Variants in BLTP3B observed in about 807,000 individuals in gnomAD.
BLTP3B encodes the protein bridge-like lipid transfer protein family member 3B.
At chr12:100,123,824 A>G in the BLTP3B span, among the ~76,000 whole-genome samples, 1 of 152,062 alleles carries the variant, frequency 6.6e-6, no homozygotes, top group African/African-American at 2.4e-5. Context: ...TTATGCGTGT[A>G]ATGAAAAAAA....
chr12:100,047,416 C>T, the BLTP3B span: 8 of 702,546 alleles, frequency 1.1e-5, no homozygotes, highest in Middle Eastern at 2.7e-4. Context: ...GAGAATCACT[C>T]GAACCAGGGA....
At chr12:100,071,862 G>C in the BLTP3B span, among the ~76,000 whole-genome samples, 24 of 152,248 alleles carry the variant, frequency 1.6e-4, no homozygotes, top group Non-Finnish European at 2.9e-5. Flanking sequence ...TTTTACTAAG[G>C]GGAAACAAAT....
At chr12:100,099,014 A>T in the BLTP3B span, among the ~76,000 whole-genome samples, 2 of 148,688 alleles carry the variant, frequency 1.3e-5, no homozygotes, top group South Asian at 4.2e-4. Flanking sequence ...TTTTTTCCCT[A>T]AGAGTCTCAA....
chr12:100,125,756 A>T, the BLTP3B span, among the ~76,000 whole-genome samples: 1 of 152,182 alleles, frequency 6.6e-6, no homozygotes, highest in Admixed American at 6.5e-5. Flanking sequence ...TTTGCCAGTC[A>T]CTCATTAGGC....
At chr12:100,058,973 G>C in the BLTP3B span, 1 of 1,614,080 alleles carries the variant, frequency 6.2e-7, no homozygotes, top group Non-Finnish European at 8.5e-7. Context: ...ACTCCTTCAA[G>C]AGCTTCTTCC....
At chr12:100,058,376 T>C in the BLTP3B span, 10 of 1,612,618 alleles carry the variant, frequency 6.2e-6, no homozygotes, top group Non-Finnish European at 6.8e-6. Flanking sequence ...GTTTATCTGA[T>C]AAATAGTCCA....
chr12:100,092,602 G>C, the BLTP3B span: 2 of 152,224 alleles, frequency 1.3e-5, no homozygotes, highest in East Asian at 3.8e-4. Flanking sequence ...AGCATAGTGA[G>C]ATTACAAAAT....
the BLTP3B span, among the ~76,000 whole-genome samples, chr12:100,120,721 T>C: frequency 6.6e-6 from 1 of 152,086 alleles, no homozygotes; most frequent in Non-Finnish European, 1.5e-5. Context: ...ACCATTCTAC[T>C]ACTAAGAATT....
chr12:100,092,441 C>A, the BLTP3B span, among the ~76,000 whole-genome samples: 2 of 152,130 alleles, frequency 1.3e-5, no homozygotes, highest in Non-Finnish European at 2.9e-5. Flanking sequence ...CTTGCATATG[C>A]CCACTAACTA....
At chr12:100,130,027 C>T in the BLTP3B span, among the ~76,000 whole-genome samples, 6 of 152,280 alleles carry the variant, frequency 3.9e-5, no homozygotes, top group African/African-American at 1.4e-4. Flanking sequence ...GGCACGATCT[C>T]GGTTCACTGA....
the BLTP3B span, chr12:100,070,288 TAA>T: frequency 2.3e-5 from 27 of 1,199,302 alleles, no homozygotes; most frequent in Non-Finnish European, 2.9e-5. Flanking sequence ...TTTAATTAAT[TAA>T]TTTTTTTTTT....
the BLTP3B span, among the ~76,000 whole-genome samples, chr12:100,079,135 C>T: frequency 8.5e-5 from 13 of 152,202 alleles, no homozygotes; most frequent in East Asian, 1.4e-3. Flanking sequence ...AGTGTGAAAA[C>T]CGACTAATAC....
chr12:100,097,262 AT>A, the BLTP3B span: 1 of 1,220,030 alleles, frequency 8.2e-7, no homozygotes, highest in Non-Finnish European at 1.1e-6. Context: ...CACCTAAGAC[AT>A]TGTTTAAAAT....
the BLTP3B span, chr12:100,070,176 G>A: frequency 2.9e-4 from 458 of 1,558,628 alleles, no homozygotes; most frequent in Non-Finnish European, 3.8e-4. Context: ...GCAGCTGAGA[G>A]AAACAAATGA....
chr12:100,124,934 TTTTATATATATA>T, the BLTP3B span, among the ~76,000 whole-genome samples: 71 of 37,000 alleles, frequency 1.9e-3, 1 homozygote, highest in Non-Finnish European at 2.7e-3. Context: ...AAAAAAAAAA[TTTTATATATATA>T]TATATATATA....
chr12:100,082,939 T>G, the BLTP3B span: 1 of 994,526 alleles, frequency 1.0e-6, no homozygotes, highest in Non-Finnish European at 1.5e-6. Context: ...AATAAAATGG[T>G]AGCATTTGTT....
At chr12:100,067,965 C>T in the BLTP3B span, among the ~76,000 whole-genome samples, 1 of 152,158 alleles carries the variant, frequency 6.6e-6, no homozygotes, top group Non-Finnish European at 1.5e-5. Flanking sequence ...CATCAAAATA[C>T]CACCATCATT....
the BLTP3B span, among the ~76,000 whole-genome samples, chr12:100,107,787 T>G: frequency 6.6e-6 from 1 of 152,176 alleles, no homozygotes; most frequent in Non-Finnish European, 1.5e-5. Flanking sequence ...CAGGCTGGAG[T>G]GCAGTGGCAC....
At chr12:100,095,955 C>G in the BLTP3B span, 2 of 1,028,696 alleles carry the variant, frequency 1.9e-6, no homozygotes, top group Non-Finnish European at 1.3e-6. Flanking sequence ...TTCCTTCACA[C>G]AAGAAGTATT....
Sources: allele counts gnomAD v4.1 joint callset (sites outside exome capture counted in the v4.1 genomes callset), GRCh38; gene constraint gnomAD v4.1.1; transcripts MANE v1.5; gene names NCBI Gene and HGNC (gene_info 2026-07-23, HGNC 2026-07-21).